Variants in ASB13 observed in about 807,000 individuals in gnomAD.
ASB13 encodes ankyrin repeat and SOCS box protein 13.
ASB13 carries 33 observed loss-of-function variants against 28.8 expected under a neutral mutation model. The ratio of observed to expected loss-of-function variants is 1.15; its 90% CI spans 0.87 to 1.53. ASB13 has a LOEUF of 1.53. ASB13 is among the 40% of genes most tolerant of loss of function. ASB13 has a pLI of 0.00. For synonymous variants in ASB13, 182 were observed against 172.9 expected (o/e 1.05, Z -0.41); for missense variants, 414 against 390.1 (o/e 1.06, Z -0.52).
intron 1 of ASB13, among the ~76,000 whole-genome samples, chr10:5,665,053 C>T (rs1356536017): frequency 6.6e-6 from 1 of 152,156 alleles, no homozygotes; most frequent in Non-Finnish European, 1.5e-5. Context: ...GACGGGGTTT[C>T]GCCATGTTGG....
chr10:5,647,120 A>G (rs10905827), intron 4 of ASB13, among the ~76,000 whole-genome samples: 28,512 of 152,078 alleles, frequency 0.19, 2,879 homozygotes, highest in Middle Eastern at 0.29. Context: ...TCCTGTTCCC[A>G]AACAGGTTTG....
rs1049224111 is a variant in ASB13 at position 5,649,438 on chromosome 10, G to A, written c.383-334C>T. ...CCCCCCTGCCCTGTGTCTACCTGCGGCTGTCAGCACTGAGCCCAGCCTCCC... is the reference window on the plus strand; with the variant it reads ...CCCCCCTGCCCTGTGTCTACCTGCGACTGTCAGCACTGAGCCCAGCCTCCC... On this transcript the variant is annotated intron_variant, in intron 3 of 5. Transcript: ENST00000357700. The surrounding 1 kb of genome is among the most constrained non-coding windows in gnomAD (Gnocchi z 6.4). Among the ~76,000 whole-genome samples the A allele has an allele frequency of 1.3e-5, 2 of 151,884 alleles. No homozygotes were observed. The highest frequency in any genetic ancestry group is 2.9e-5 in the Non-Finnish European group (2 of 67,916).
At position 5,652,950 on chromosome 10, in the gene ASB13, G is replaced by A; in HGVS notation, c.144C>T (p.Val48=). ...LIESGACVNQ[V]TVDSITPLHA... is the part of the protein sequence containing the mutation. ...GCAGGGGCGTGATGGAGTCCACGGT[G>A]ACCTGGTTCACGCAGGCGCCGCTCT... Residue 48 remains valine, a synonymous_variant, in exon 2 of 6, where the codon GTC becomes GTT. Coordinates refer to ENST00000357700, the MANE Select transcript of ASB13 (RefSeq NM_024701.4). This position sits in a 1 kb window ranked among gnomAD's most constrained non-coding sequence, Gnocchi z 5.0. 1 of 1,579,108 alleles carries A rather than the reference G, an allele frequency of 6.3e-7. No individual in the cohort carries two copies. The highest frequency in any genetic ancestry group is 1.2e-5 in the South Asian group (1 of 86,044).
intron 4 of ASB13, among the ~76,000 whole-genome samples, chr10:5,643,073 A>T (rs1423156699): frequency 6.6e-6 from 1 of 152,248 alleles, no homozygotes; most frequent in Non-Finnish European, 1.5e-5. Context: ...TCCTCAAGTA[A>T]CAAAGGAGGT....
chr10:5,642,438 CATATTCTTTT>C lies in ASB13; in HGVS notation c.518-487_518-478del. 2 of 1,019,512 alleles carry C rather than the reference CATATTCTTTT, an allele frequency of 2.0e-6. No homozygotes were observed. Among genetic ancestry groups the C allele is most frequent in the African/African-American group, 3.4e-5 (2 of 58,510 alleles). 63.2% of individuals were successfully genotyped at this position (1,019,512 alleles called of 1,614,324 possible). A position where few individuals can be genotyped will look rare whatever the true frequency, so the allele number is the denominator to read the frequency against. On this transcript the variant is annotated intron_variant, in intron 4 of 5. Coordinates refer to ENST00000357700, the MANE Select transcript of ASB13 (RefSeq NM_024701.4). The surrounding 1 kb of genome is among the most constrained non-coding windows in gnomAD (Gnocchi z 4.1). ...AAAGAATAAATGTTCCTTAACAATGCATATTCTTTTACAAAAGGAAAACAGATAACGTACC... is the reference window on the plus strand; with the variant it reads ...AAAGAATAAATGTTCCTTAACAATGCACAAAAGGAAAACAGATAACGTACC...
rs1435103521 is a variant in ASB13 at position 5,656,468 on chromosome 10, G to C, written c.44-3418C>G. ...GCAGCAGAATCGCTTGAACCCAGGA[G>C]GCGGAGATTGCAGTGAGCTGAGATC... On this transcript the variant is annotated intron_variant, in intron 1 of 5. Transcript: ENST00000357700. The surrounding 1 kb of genome is among the most constrained non-coding windows in gnomAD (Gnocchi z 4.3). Among the ~76,000 whole-genome samples the C allele has an allele frequency of 6.6e-6, 1 of 152,042 alleles. No homozygotes were observed. The highest frequency in any genetic ancestry group is 1.5e-5 in the Non-Finnish European group (1 of 68,020).
At chr10:5,666,412 G>C in intron 1 of ASB13, 97 bp downstream of exon 1, 4 of 1,089,014 alleles carry the variant, frequency 3.7e-6, no homozygotes, top group Non-Finnish European at 4.6e-6. Context: ...AGCGCGGGGC[G>C]CGCCACCACC....
chr10:5,648,614 G>A (rs1369116160), intron 4 of ASB13, among the ~76,000 whole-genome samples: 4 of 133,816 alleles, frequency 3.0e-5, no homozygotes, highest in South Asian at 2.5e-4. Flanking sequence ...AAACACCCAC[G>A]GGGGTAAACA....
rs1006718963 is a variant in ASB13 at position 5,661,233 on chromosome 10, C to A, written c.43+5276G>T. Reference sequence around the variant, plus strand: ...GCTGGGCACCTCCAGAGCCCATCCTCCACACTGCCCTGCCTGCACCCACAC... The same window carrying A: ...GCTGGGCACCTCCAGAGCCCATCCTACACACTGCCCTGCCTGCACCCACAC... On this transcript the variant is annotated intron_variant, in intron 1 of 5. Transcript: ENST00000357700. This position sits in a 1 kb window ranked among gnomAD's most constrained non-coding sequence, Gnocchi z 4.9. Among the ~76,000 whole-genome samples, 4 of 152,180 alleles carry A rather than the reference C, an allele frequency of 2.6e-5. No individual in the cohort carries two copies. Among genetic ancestry groups the A allele is most frequent in the Non-Finnish European group, 5.9e-5 (4 of 68,028 alleles).
At position 5,655,137 on chromosome 10, in the gene ASB13, C is replaced by T. The variant is rs1041373714; in HGVS notation, c.44-2087G>A. On this transcript the variant is annotated intron_variant, in intron 1 of 5. Coordinates refer to ENST00000357700, the MANE Select transcript of ASB13 (RefSeq NM_024701.4). This position sits in a 1 kb window ranked among gnomAD's most constrained non-coding sequence, Gnocchi z 6.2. ...AAAAAAAGTGTCTGCATCGAATTTCCTCTGCAGGTGGGTAGCCTCATCAGT... is the reference window on the plus strand; with the variant it reads ...AAAAAAAGTGTCTGCATCGAATTTCTTCTGCAGGTGGGTAGCCTCATCAGT... 1.3e-5 allele frequency among the ~76,000 whole-genome samples: 2 copies of T among 151,974 alleles called. No homozygotes were observed. Among genetic ancestry groups the T allele is most frequent in the Non-Finnish European group, 2.9e-5 (2 of 67,990 alleles).
chr10:5,657,819 T>C (rs1377479769), intron 1 of ASB13, among the ~76,000 whole-genome samples: 1 of 152,204 alleles, frequency 6.6e-6, no homozygotes, highest in Non-Finnish European at 1.5e-5. Context: ...TGCTACAACA[T>C]GGATGAACCT....
rs140889384 is a variant in ASB13, at chr10:5,659,659, AC to A, written c.44-6610del. Among the ~76,000 whole-genome samples, 27,038 of 148,114 alleles carry A rather than the reference AC, an allele frequency of 0.18. 2,725 individuals are homozygous for A. Among genetic ancestry groups the A allele is most frequent in the Non-Finnish European group, 0.25 (16,528 of 67,164 alleles). On this transcript the variant is annotated intron_variant, in intron 1 of 5. Coordinates refer to ENST00000357700, the MANE Select transcript of ASB13 (RefSeq NM_024701.4). This position sits in a 1 kb window ranked among gnomAD's most constrained non-coding sequence, Gnocchi z 5.8. ...AGGAAGCCTCCCGAGCATGCAGCCC[AC>A]CCCCCCACGCCATCTCCACACTATT...
chr10:5,654,988 G>A (rs71479734), intron 1 of ASB13, among the ~76,000 whole-genome samples: 15,521 of 151,984 alleles, frequency 0.1, 1,238 homozygotes, highest in Admixed American at 0.23. Flanking sequence ...TGTAATCCCC[G>A]CCACTTGGGA....
In ASB13 at chr10:5,641,916, T is replaced by A; in HGVS notation, c.563A>T (p.His188Leu). The A allele has an allele frequency of 4.3e-6, 7 of 1,613,380 alleles. No individual in the cohort carries two copies. The highest frequency in any genetic ancestry group is 5.9e-6 in the Non-Finnish European group (7 of 1,179,404). Residue 188 changes from histidine to leucine, a missense_variant, in exon 5 of 6, where the codon CAC becomes CTC. By Grantham distance (99) the His-to-Leu change is moderately conservative (BLOSUM62 -3). Coordinates refer to ENST00000357700, the MANE Select transcript of ASB13 (RefSeq NM_024701.4). The surrounding 1 kb of genome is among the most constrained non-coding windows in gnomAD (Gnocchi z 8.4). ...AAKLHETALH[H>L]AAKVKNVDLI... ...GTCAACATTCTTGACCTTGGCCGCGTGGTGAAGGGCAGTCTCATGAAGCTT... is the reference window on the plus strand; with the variant it reads ...GTCAACATTCTTGACCTTGGCCGCGAGGTGAAGGGCAGTCTCATGAAGCTT...
chr10:5,642,326 C>T lies in ASB13; in HGVS notation c.518-365G>A. ...GAAGCTCAAACCAGAGCCACTCAAG[C>T]ACTCCCGCCTGGCCTCCAGCACAGA... On this transcript the variant is annotated intron_variant, in intron 4 of 5. Transcript: ENST00000357700. The surrounding 1 kb of genome is among the most constrained non-coding windows in gnomAD (Gnocchi z 4.1). The T allele has an allele frequency of 2.9e-6, 1 of 338,990 alleles. No individual in the cohort carries two copies. The highest frequency in any genetic ancestry group is 4.9e-6 in the Non-Finnish European group (1 of 202,446). The allele number at this position is 338,990 out of a possible 1,614,324, so 21.0% of individuals were successfully genotyped here.
At chr10:5,646,247 G>A (rs1834884639) in intron 4 of ASB13, among the ~76,000 whole-genome samples, 1 of 152,208 alleles carries the variant, frequency 6.6e-6, no homozygotes, top group Admixed American at 6.5e-5. Flanking sequence ...TAATGTGGTG[G>A]GGGCGGGAGC....
rs1834999985 is a variant in ASB13 at position 5,652,206 on chromosome 10, C to T, written c.231+657G>A. On this transcript the variant is annotated intron_variant, in intron 2 of 5. Transcript: ENST00000357700. This position sits in a 1 kb window ranked among gnomAD's most constrained non-coding sequence, Gnocchi z 5.0. The stretch of plus-strand genomic sequence containing the variant: ...TCCAAATTCAAATTCTATTTGGGTA[C>T]ACACTGAAATCGGTTCCATTCCAAC... Among the ~76,000 whole-genome samples, 1 of 152,148 alleles carries T rather than the reference C, an allele frequency of 6.6e-6. No homozygotes were observed. Among genetic ancestry groups the T allele is most frequent in the Non-Finnish European group, 1.5e-5 (1 of 68,034 alleles).
intron 1 of ASB13, among the ~76,000 whole-genome samples, chr10:5,666,269 A>T (rs1454788207): frequency 2.0e-5 from 3 of 151,846 alleles, no homozygotes; most frequent in Non-Finnish European, 4.4e-5. Flanking sequence ...GGCGAGCCGC[A>T]CGGACTGCAA....
In ASB13 at chr10:5,638,921, G is replaced by A. The variant is rs1132305; in HGVS notation, c.*1782C>T. ...AACAGCCGTGGGGACCTGATTCTGC[G>A]CTAAGTGCTCTACTGTGAGACATCA... On this transcript the variant is annotated 3_prime_UTR_variant, in exon 6 of 6. Coordinates refer to ENST00000357700, the MANE Select transcript of ASB13 (RefSeq NM_024701.4). 69,283 of 152,158 alleles carry A rather than the reference G, an allele frequency of 0.46. 16,227 individuals are homozygous for A. Among genetic ancestry groups the A allele is most frequent in the Non-Finnish European group, 0.53 (35,873 of 67,984 alleles). 9.4% of individuals were successfully genotyped at this position (152,158 alleles called of 1,614,324 possible).
Sources: allele counts gnomAD v4.1 joint callset (sites outside exome capture counted in the v4.1 genomes callset), GRCh38; gene constraint gnomAD v4.1.1; non-coding constraint Gnocchi (gnomAD v3.1); transcripts MANE v1.5; gene names NCBI Gene and HGNC (gene_info 2026-07-23, HGNC 2026-07-21).